PALLD: variants seen among roughly 807,000 people sequenced by gnomAD.
PALLD encodes palladin, cytoskeletal associated protein.
In PALLD, 61 loss-of-function variants were observed where a neutral mutation model predicts 123.5. That is an observed-to-expected ratio of 0.49 (90% CI 0.40 to 0.61). PALLD has a LOEUF of 0.61. Among genes scored for constraint, PALLD ranks in the 20% least tolerant of loss-of-function variants. The pLI is 0.00. For synonymous variants in PALLD, 465 were observed against 496.4 expected (o/e 0.94, Z 0.84); for missense variants, 1,273 against 1,377.0 (o/e 0.92, Z 1.20).
chr4:168,696,392 C>A (rs1783130655), intron 8 of PALLD, among the ~76,000 whole-genome samples: 1 of 151,940 alleles, frequency 6.6e-6, no homozygotes, highest in Non-Finnish European at 1.5e-5. Context: ...GGGAGTTTCT[C>A]TTATAAAGAT....
intron 10 of PALLD, among the ~76,000 whole-genome samples, chr4:168,800,072 A>T (rs541588793): frequency 6.6e-6 from 1 of 152,334 alleles, no homozygotes; most frequent in African/African-American, 2.4e-5. Context: ...GGCAGGCTTC[A>T]TATCTGTAGT....
chr4:168,767,349 T>G (rs1380191318), intron 10 of PALLD, among the ~76,000 whole-genome samples: 1 of 152,198 alleles, frequency 6.6e-6, no homozygotes, highest in Non-Finnish European at 1.5e-5. Context: ...ACACATAGAA[T>G]GATTTCCCCC....
intron 2 of PALLD, among the ~76,000 whole-genome samples, chr4:168,604,373 A>G (rs1265786715): frequency 3.3e-5 from 5 of 152,254 alleles, no homozygotes; most frequent in Non-Finnish European, 7.3e-5. Context: ...CAATTTATCT[A>G]TGAAACACAC....
chr4:168,922,920 C>T (rs941718870), intron 18 of PALLD, among the ~76,000 whole-genome samples: 1 of 152,160 alleles, frequency 6.6e-6, no homozygotes, highest in Non-Finnish European at 1.5e-5. Context: ...GCTCCAGTCC[C>T]GGCTCTTGTC....
chr4:168,583,336 A>G (rs556479265), intron 2 of PALLD, among the ~76,000 whole-genome samples: 24 of 152,320 alleles, frequency 1.6e-4, no homozygotes, highest in Admixed American at 3.3e-4. Flanking sequence ...ATGATGCTGA[A>G]ACTAAAAAAT....
rs565306735 is a variant in PALLD, at chr4:168,759,226, T to G, written c.1964+47303T>G. On this transcript the variant is annotated intron_variant, in intron 10 of 21. Coordinates refer to ENST00000505667, the MANE Select transcript of PALLD (RefSeq NM_001166108.2). ...AAATATATATATATATATATATATA[T>G]ATATATATATATATATATAGAAACA... Among the ~76,000 whole-genome samples the G allele has an allele frequency of 2.6e-3, 96 of 36,810 alleles. 7 individuals carry two copies. Among genetic ancestry groups the G allele is most frequent in the African/African-American group, 8.1e-3 (93 of 11,424 alleles). The allele number at this position is 36,810 out of a possible 152,430, so 24.1% of individuals were successfully genotyped here. A position where few individuals can be genotyped will look rare whatever the true frequency, so the allele number is the denominator to read the frequency against.
intron 1 of PALLD, among the ~76,000 whole-genome samples, chr4:168,506,290 A>G (rs1761989925): frequency 6.6e-6 from 1 of 152,148 alleles, no homozygotes; most frequent in Non-Finnish European, 1.5e-5. Flanking sequence ...TTCTGTCCTC[A>G]TAAACCTCCA....
chr4:168,760,047 C>CAAAAAAA (rs550788154), intron 10 of PALLD, among the ~76,000 whole-genome samples: 4 of 127,578 alleles, frequency 3.1e-5, no homozygotes, highest in Non-Finnish European at 6.8e-5. Context: ...GAGACTGTCT[C>CAAAAAAA]AAAAAAAAAA....
chr4:168,711,602 A>C lies in PALLD; in HGVS notation c.1643A>C (p.Tyr548Ser). 1 of 1,613,896 alleles carries C rather than the reference A, an allele frequency of 6.2e-7. No homozygotes were observed. The highest frequency in any genetic ancestry group is 1.7e-5 in the Admixed American group (1 of 60,028). The change falls in exon 10 of 22, where the codon TAC (tyrosine) becomes TCC (serine). Residue 548 changes from tyrosine to serine, a missense_variant. Transcript: ENST00000505667. ...TTAGCCAACACTGAAAACTGTAGTT[A>C]CGAGTCAATGGGAGAATCCAACAAT... Reference protein sequence around the residue: ...VTSANTENCSYESMGESNNDH... With the variant: ...VTSANTENCSSESMGESNNDH...
rs112705241 is a variant in PALLD at position 168,569,362 on chromosome 4, C to T, written c.908+56950C>T. 3.3e-5 allele frequency among the ~76,000 whole-genome samples: 5 copies of T among 152,210 alleles called. 1 individual carries two copies. The highest frequency in any genetic ancestry group is 1.9e-4 in the East Asian group (1 of 5,174). On this transcript the variant is annotated intron_variant, in intron 2 of 21. Transcript: ENST00000505667. The stretch of plus-strand genomic sequence containing the variant: ...GAACAACCTCTCTTTGACTCTCATT[C>T]GCCTTCTCATTTAATCCTACCATTT...
chr4:168,561,980 A>C (rs1055430720), intron 2 of PALLD, among the ~76,000 whole-genome samples: 1 of 152,184 alleles, frequency 6.6e-6, no homozygotes, highest in African/African-American at 2.4e-5. Context: ...TACACTTTAC[A>C]AGGCACTTTT....
At chr4:168,704,595 C>T (rs543939161) in intron 8 of PALLD, among the ~76,000 whole-genome samples, 2 of 141,558 alleles carry the variant, frequency 1.4e-5, no homozygotes, top group South Asian at 4.5e-4. Flanking sequence ...ACCCGGGAGG[C>T]GGAGCTTGCA....
intron 10 of PALLD, among the ~76,000 whole-genome samples, chr4:168,787,308 T>C (rs1226715913): frequency 6.6e-6 from 1 of 152,220 alleles, no homozygotes; most frequent in Non-Finnish European, 1.5e-5. Context: ...TTCAGTCATA[T>C]TATGTGTGTG....
At chr4:168,588,654 C>T (rs951928173) in intron 2 of PALLD, among the ~76,000 whole-genome samples, 6 of 152,064 alleles carry the variant, frequency 3.9e-5, no homozygotes, top group Non-Finnish European at 7.4e-5. Context: ...GTGATCTGCC[C>T]GCCTCAGCCT....
intron 2 of PALLD, among the ~76,000 whole-genome samples, chr4:168,599,966 TAC>T (rs1487867293): frequency 4.0e-5 from 6 of 151,814 alleles, no homozygotes; most frequent in African/African-American, 7.2e-5. Flanking sequence ...GTGTATTGTA[TAC>T]ACACACATAT....
At chr4:168,865,673 C>T (rs1358925216) in intron 10 of PALLD, among the ~76,000 whole-genome samples, 1 of 152,094 alleles carries the variant, frequency 6.6e-6, no homozygotes, top group African/African-American at 2.4e-5. Flanking sequence ...TAAATTGTAT[C>T]ACATTTAGTG....
At chr4:168,501,481 T>G (rs1761396208) in intron 1 of PALLD, among the ~76,000 whole-genome samples, 1 of 152,154 alleles carries the variant, frequency 6.6e-6, no homozygotes, top group Non-Finnish European at 1.5e-5. Flanking sequence ...ACATTTACCT[T>G]TGAAAGCAAT....
chr4:168,719,470 G>T (rs1431014517), intron 10 of PALLD, among the ~76,000 whole-genome samples: 2 of 151,958 alleles, frequency 1.3e-5, no homozygotes, highest in Non-Finnish European at 2.9e-5. Flanking sequence ...ATGTTGGCCA[G>T]GCTGGTCTTG....
rs368684220 is a variant in PALLD, at chr4:168,681,373, A to G, written c.1129A>G (p.Lys377Glu). 7.6e-5 allele frequency: 122 copies of G among 1,609,002 alleles called. No individual in the cohort carries two copies. The highest frequency in any genetic ancestry group is 1.0e-4 in the Non-Finnish European group (121 of 1,175,678). The change falls in exon 4 of 22, where the codon AAA becomes GAA. Residue 377 changes from lysine to glutamate, a missense_variant. Lys to Glu is a moderately conservative substitution (Grantham distance 56). Transcript: ENST00000505667. ...TDSDSESLAF[K>E]SRAGAMPQAQ... ...TTCTGACAGTGAAAGTTTAGCTTTC[A>G]AATCAAGAGCTGGAGCTATGCCACA...
Sources: allele counts gnomAD v4.1 joint callset (sites outside exome capture counted in the v4.1 genomes callset), GRCh38; gene constraint gnomAD v4.1.1; transcripts MANE v1.5; gene names NCBI Gene and HGNC (gene_info 2026-07-23, HGNC 2026-07-21).